JARID2: variants seen among roughly 807,000 people sequenced by gnomAD.
The protein encoded by JARID2 is jumonji and AT-rich interaction domain containing 2.
In JARID2, 21 loss-of-function variants were observed where a neutral mutation model predicts 125.6. The ratio of observed to expected loss-of-function variants is 0.17; its 90% CI spans 0.12 to 0.24. JARID2 has a LOEUF of 0.24. JARID2 is among the 10% of genes least tolerant of loss of function. The probability of loss-of-function intolerance (pLI) is 1.00; values close to 1 mark genes in which losing one functional copy is unlikely to be tolerated. For missense variants in JARID2, 1,303 were observed against 1,639.6 expected, an observed-to-expected ratio of 0.79 and a Z score of 3.55; for synonymous variants, 736 against 661.6, an observed-to-expected ratio of 1.11 and a Z score of -1.73.
intron 1 of JARID2, among the ~76,000 whole-genome samples, chr6:15,292,647 A>C (rs1316090921): frequency 1.3e-5 from 2 of 152,110 alleles, no homozygotes; most frequent in African/African-American, 4.8e-5. Context: ...TTAGTTTAAG[A>C]AAGTTTAAGT....
At chr6:15,312,456 G>T (rs1762046958) in intron 1 of JARID2, among the ~76,000 whole-genome samples, 1 of 152,148 alleles carries the variant, frequency 6.6e-6, no homozygotes, top group Admixed American at 6.5e-5. Flanking sequence ...ACACATCTGG[G>T]TATTACCATC....
chr6:15,356,852 TAA>T (rs1184574874), intron 1 of JARID2, among the ~76,000 whole-genome samples: 1 of 151,932 alleles, frequency 6.6e-6, no homozygotes, highest in Non-Finnish European at 1.5e-5. Flanking sequence ...CCATCTCTAT[TAA>T]AAATACAACA....
At chr6:15,331,425 A>G (rs1762706015) in intron 1 of JARID2, among the ~76,000 whole-genome samples, 1 of 152,068 alleles carries the variant, frequency 6.6e-6, no homozygotes, top group Non-Finnish European at 1.5e-5. Context: ...TAGAAGTATA[A>G]TACTGGAAAC....
intron 1 of JARID2, among the ~76,000 whole-genome samples, chr6:15,252,891 T>C (rs1759510898): frequency 6.6e-6 from 1 of 152,216 alleles, no homozygotes; most frequent in African/African-American, 2.4e-5. Flanking sequence ...CATACTTGCC[T>C]CACCCTTGCA....
intron 2 of JARID2, among the ~76,000 whole-genome samples, chr6:15,399,438 G>C (rs563923757): frequency 6.6e-6 from 1 of 152,266 alleles, no homozygotes; most frequent in South Asian, 2.1e-4. Context: ...TGATTTTAAA[G>C]TGGTGGATAT....
chr6:15,470,862 C>G (rs1431227019), intron 5 of JARID2, among the ~76,000 whole-genome samples: 1 of 152,158 alleles, frequency 6.6e-6, no homozygotes, highest in East Asian at 1.9e-4. Context: ...GCCTGTTGTT[C>G]CACCAGTGTG....
At chr6:15,323,589 G>A (rs1383460200) in intron 1 of JARID2, among the ~76,000 whole-genome samples, 1 of 152,150 alleles carries the variant, frequency 6.6e-6, no homozygotes, top group African/African-American at 2.4e-5. Context: ...CTTTTTAGGG[G>A]ACACAAGGCA....
intron 1 of JARID2, chr6:15,247,554 C>T (rs1759232108): frequency 2.0e-6 from 2 of 975,726 alleles, no homozygotes; most frequent in South Asian, 9.5e-5. Flanking sequence ...TCAAAAAAGG[C>T]CAAATGAACA....
intron 4 of JARID2, among the ~76,000 whole-genome samples, chr6:15,462,450 C>G (rs916308668): frequency 6.6e-6 from 1 of 152,204 alleles, no homozygotes; most frequent in African/African-American, 2.4e-5. Context: ...TTGAACAGTG[C>G]TGATACATAC....
intron 3 of JARID2, among the ~76,000 whole-genome samples, chr6:15,435,880 C>T (rs1173825161): frequency 6.6e-6 from 1 of 151,612 alleles, no homozygotes. Flanking sequence ...AATCCCAAAG[C>T]TAGCAGAAAA....
At chr6:15,363,404 T>C (rs1307757222) in intron 1 of JARID2, among the ~76,000 whole-genome samples, 1 of 152,190 alleles carries the variant, frequency 6.6e-6, no homozygotes, top group Non-Finnish European at 1.5e-5. Flanking sequence ...TTGCCACCAT[T>C]GCCTTAGATA....
At chr6:15,494,028 C>T (rs1770283534) in intron 6 of JARID2, among the ~76,000 whole-genome samples, 1 of 152,112 alleles carries the variant, frequency 6.6e-6, no homozygotes, top group African/African-American at 2.4e-5. Flanking sequence ...ATTCCTGGGT[C>T]TTCGCTTCTG....
chr6:15,463,602 T>C (rs1234831400), intron 4 of JARID2, among the ~76,000 whole-genome samples: 1 of 152,088 alleles, frequency 6.6e-6, no homozygotes, highest in Non-Finnish European at 1.5e-5. Flanking sequence ...AGCTAATTTT[T>C]ATATTTTTTA....
At chr6:15,327,525 A>AAG (rs1762569890) in intron 1 of JARID2, among the ~76,000 whole-genome samples, 2 of 84,400 alleles carry the variant, frequency 2.4e-5, no homozygotes, top group African/African-American at 8.3e-5. Context: ...TCCATTCTGG[A>AAG]AGAGTGTGTG....
At chr6:15,402,956 A>G (rs947153327) in intron 2 of JARID2, among the ~76,000 whole-genome samples, 1 of 152,166 alleles carries the variant, frequency 6.6e-6, no homozygotes, top group South Asian at 2.1e-4. Context: ...TGGACACAAA[A>G]CTAGAACTGC....
At chr6:15,401,153 G>GAT in intron 2 of JARID2, 4 of 952,472 alleles carry the variant, frequency 4.2e-6, no homozygotes, top group Non-Finnish European at 4.1e-6. Context: ...ATGGCAAGGT[G>GAT]CTATATATAT....
intron 5 of JARID2, among the ~76,000 whole-genome samples, chr6:15,476,381 C>G (rs962099203): frequency 6.6e-6 from 1 of 152,142 alleles, no homozygotes; most frequent in Non-Finnish European, 1.5e-5. Context: ...CAGGAGAGGA[C>G]ACACACACCA....
chr6:15,448,236 T>C (rs897818120), intron 3 of JARID2, among the ~76,000 whole-genome samples: 1 of 152,224 alleles, frequency 6.6e-6, no homozygotes, highest in Non-Finnish European at 1.5e-5. Context: ...CACTTTTTAA[T>C]GTGTTATTGC....
At chr6:15,462,014 T>C (rs925609469) in intron 4 of JARID2, among the ~76,000 whole-genome samples, 5 of 152,200 alleles carry the variant, frequency 3.3e-5, no homozygotes, top group Non-Finnish European at 5.9e-5. Context: ...TGAGGGCTGC[T>C]TCCCTATCTC....
Sources: allele counts gnomAD v4.1 joint callset (sites outside exome capture counted in the v4.1 genomes callset), GRCh38; gene constraint gnomAD v4.1.1; transcripts MANE v1.5; gene names NCBI Gene and HGNC (gene_info 2026-07-23, HGNC 2026-07-21).